ANKRD62: variants seen among roughly 807,000 people sequenced by gnomAD.
ANKRD62 encodes the protein ankyrin repeat domain-containing protein 62.
ANKRD62 carries 61 observed loss-of-function variants against 98.8 expected under a neutral mutation model. That is an observed-to-expected ratio of 0.62 (90% CI 0.50 to 0.76). The LOEUF is 0.76. ANKRD62 is among the 30% of genes least tolerant of loss of function. The pLI, the probability that ANKRD62 is intolerant of heterozygous loss-of-function variation, is 0.00. For missense variants in ANKRD62, 933 were observed against 1,082.9 expected, an observed-to-expected ratio of 0.86 and a Z score of 1.94; for synonymous variants, 341 against 367.9, an observed-to-expected ratio of 0.93 and a Z score of 0.84.
intron 10 of ANKRD62, among the ~76,000 whole-genome samples, chr18:12,117,140 AAT>A (rs897544126): frequency 6.6e-6 from 1 of 152,208 alleles, no homozygotes; most frequent in Non-Finnish European, 1.5e-5. Context: ...TGGTACTAAT[AAT>A]ACTCACTTAT....
intron 7 of ANKRD62, among the ~76,000 whole-genome samples, chr18:12,106,675 A>G (rs1909419220): frequency 6.6e-6 from 1 of 152,202 alleles, no homozygotes; most frequent in South Asian, 2.1e-4. Flanking sequence ...TTGGGGAAGC[A>G]TCTCATTTTC....
At chr18:12,111,955 C>A (rs755839433) in intron 8 of ANKRD62, among the ~76,000 whole-genome samples, 8 of 151,648 alleles carry the variant, frequency 5.3e-5, no homozygotes, top group Non-Finnish European at 1.2e-4. Context: ...ACTAAAAATA[C>A]AAAAATTAGC....
Position 12,125,935 on chromosome 18 carries a change from A to G in ANKRD62, c.2114A>G (p.Gln705Arg). The G allele has an allele frequency of 6.5e-7, 1 of 1,538,608 alleles. No individual in the cohort carries two copies. Among genetic ancestry groups the G allele is most frequent in the Non-Finnish European group, 8.7e-7 (1 of 1,146,936 alleles). Reference protein sequence around the residue: ...TNSHIQILSQQLSKAESTSSG... With the variant: ...TNSHIQILSQRLSKAESTSSG... ...TCTCACATTCAGATTCTTTCTCAGC[A>G]ACTTTCTAAAGCTGAGAGTACATCC... The change falls in exon 13 of 14, where the codon CAA becomes CGA. Residue 705 changes from glutamine (Q) to arginine (R), a missense_variant. Transcript: ENST00000587848.
At chr18:12,102,953 T>C (rs1402555238) in intron 6 of ANKRD62, among the ~76,000 whole-genome samples, 1 of 152,208 alleles carries the variant, frequency 6.6e-6, no homozygotes, top group Admixed American at 6.5e-5. Flanking sequence ...TGGTGACATC[T>C]GGTGTCTTGC....
chr18:12,125,587 A>G lies in ANKRD62; in HGVS notation c.1766A>G (p.Tyr589Cys). The G allele has an allele frequency of 3.3e-6, 5 of 1,528,066 alleles. No homozygotes were observed. Among genetic ancestry groups the G allele is most frequent in the Non-Finnish European group, 4.4e-6 (5 of 1,144,474 alleles). The allele number at this position is 1,528,066 out of a possible 1,614,324, so 94.7% of individuals were successfully genotyped here. A position where few individuals can be genotyped will look rare whatever the true frequency, so the allele number is the denominator to read the frequency against. ...KHQNQETENK[Y>C]FKDIEIIKEN... ...CAGAACCAGGAAACTGAAAATAAAT[A>G]TTTCAAAGATATTGAAATTATAAAG... Residue 589 changes from tyrosine to cysteine, a missense_variant, in exon 13 of 14, where the codon TAT (tyrosine) becomes TGT (cysteine). Physicochemically the swap from Tyr to Cys is radical, Grantham distance 194. Coordinates refer to ENST00000587848, the MANE Select transcript of ANKRD62 (RefSeq NM_001277333.2).
Position 12,097,733 on chromosome 18 carries a change from TG to T in ANKRD62, c.710del (p.Gly237AspfsTer19). ...TTGATGTCTTTTGCCAAGATATATC[TG>T]GATGGACTGCAGAAGACTACGCTGT... ...NIDVFCQDIS[G>X]WTAEDYAVAS... On this transcript the variant is annotated frameshift_variant, in exon 5 of 14. Transcript: ENST00000587848. LOFTEE classifies it high-confidence loss of function. The T allele has an allele frequency of 6.5e-7, 1 of 1,536,116 alleles. No individual in the cohort carries two copies. The highest frequency in any genetic ancestry group is 8.7e-7 in the Non-Finnish European group (1 of 1,146,808).
downstream of ANKRD62, among the ~76,000 whole-genome samples, chr18:12,129,980 TGAG>T (rs1447130634): frequency 6.6e-6 from 1 of 152,198 alleles, no homozygotes; most frequent in Non-Finnish European, 1.5e-5. Flanking sequence ...TAAGACGTGC[TGAG>T]GAGTTGCCAG....
At position 12,095,555 on chromosome 18, in the gene ANKRD62, T is replaced by C. The variant is rs1909164316; in HGVS notation, c.452T>C (p.Ile151Thr). 6.5e-7 allele frequency: 1 copy of C among 1,546,014 alleles called. No homozygotes were observed. The highest frequency in any genetic ancestry group is 1.2e-5 in the South Asian group (1 of 84,810). ...ALHYAIDNEN[I>T]SMARKLLAYG... ...CACTATGCCATTGATAATGAGAATATATCAATGGCAAGAAAACTGCTTGCA... is the reference window on the plus strand; with the variant it reads ...CACTATGCCATTGATAATGAGAATACATCAATGGCAAGAAAACTGCTTGCA... Residue 151 changes from isoleucine to threonine, a missense_variant, in exon 3 of 14, where the codon ATA becomes ACA. Coordinates refer to ENST00000587848, the MANE Select transcript of ANKRD62 (RefSeq NM_001277333.2).
the ANKRD62 span, among the ~76,000 whole-genome samples, chr18:12,161,727 CA>C: frequency 6.6e-6 from 1 of 152,054 alleles, no homozygotes; most frequent in Non-Finnish European, 1.5e-5. Context: ...TCTATCTCCA[CA>C]AGTGTAATCG....
Position 12,097,672 on chromosome 18 carries a change from C to A in ANKRD62, c.647C>A (p.Ser216Ter). ...CTGATACTTGCTGCTCGTAATGGAT[C>A]AACAAGTGTAGTCTACCAGCTTCTT... ...TALILAARNG[S>*]TSVVYQLLQH... Residue 216 changes from serine (S) to a stop codon, truncating the protein, a stop_gained, in exon 5 of 14, where the codon TCA becomes TAA. Transcript: ENST00000587848. LOFTEE classifies it high-confidence loss of function. 6.5e-7 allele frequency: 1 copy of A among 1,535,870 alleles called. No homozygotes were observed. The highest frequency in any genetic ancestry group is 8.7e-7 in the Non-Finnish European group (1 of 1,146,692).
chr18:12,163,081 A>T, the ANKRD62 span, among the ~76,000 whole-genome samples: 1 of 152,116 alleles, frequency 6.6e-6, no homozygotes, highest in Non-Finnish European at 1.5e-5. Context: ...GAGGGATTGC[A>T]TTGAATCTGT....
In ANKRD62 at chr18:12,127,951, A is replaced by C. The variant is rs1207814990; in HGVS notation, c.*12A>C. On this transcript the variant is annotated 3_prime_UTR_variant, in exon 14 of 14. Transcript: ENST00000587848. ...CAGTTACTCTGTAGCTGGTTAAATAATATCAAGTGTTTCAGGACACTAGTT... is the reference window on the plus strand; with the variant it reads ...CAGTTACTCTGTAGCTGGTTAAATACTATCAAGTGTTTCAGGACACTAGTT... 7.2e-7 allele frequency: 1 copy of C among 1,393,600 alleles called. No homozygotes were observed. The highest frequency in any genetic ancestry group is 1.5e-5 in the African/African-American group (1 of 68,180). 86.3% of individuals were successfully genotyped at this position (1,393,600 alleles called of 1,614,324 possible). A position where few individuals can be genotyped will look rare whatever the true frequency, so the allele number is the denominator to read the frequency against.
chr18:12,109,478 A>G (rs1449551864), intron 8 of ANKRD62, among the ~76,000 whole-genome samples: 5 of 152,212 alleles, frequency 3.3e-5, no homozygotes, highest in African/African-American at 1.2e-4. Context: ...TCGGAATACA[A>G]TACTGTATGA....
chr18:12,096,316 T>G lies in ANKRD62; in HGVS notation c.614+14T>G. ...TAATTTTGGAAGGTACAGTAGTTCT[T>G]TTTTTGTTCATTTTTAAACCTGAGT... On this transcript the variant is annotated intron_variant, in intron 4 of 13. Coordinates refer to ENST00000587848, the MANE Select transcript of ANKRD62 (RefSeq NM_001277333.2). The G allele has an allele frequency of 6.9e-7, 1 of 1,457,818 alleles. No homozygotes were observed. Among genetic ancestry groups the G allele is most frequent in the Non-Finnish European group, 9.2e-7 (1 of 1,085,640 alleles). 90.3% of individuals were successfully genotyped at this position (1,457,818 alleles called of 1,614,324 possible).
intron 8 of ANKRD62, among the ~76,000 whole-genome samples, chr18:12,112,440 A>G (rs893376838): frequency 5.9e-5 from 9 of 152,200 alleles, no homozygotes; most frequent in Non-Finnish European, 7.4e-5. Flanking sequence ...CTGATCTTCA[A>G]CAAACCTGAC....
At chr18:12,112,810 C>A (rs115845634) in intron 8 of ANKRD62, among the ~76,000 whole-genome samples, 5,534 of 152,330 alleles carry the variant, frequency 0.036, 340 homozygotes, top group African/African-American at 0.13. Context: ...GCAAACTATG[C>A]ATCTGGCAAA....
At chr18:12,119,625 A>G (rs1021648575) in intron 10 of ANKRD62, among the ~76,000 whole-genome samples, 1 of 151,942 alleles carries the variant, frequency 6.6e-6, no homozygotes, top group East Asian at 1.9e-4. Flanking sequence ...TGATAAGACT[A>G]CCTCTAAAAA....
At chr18:12,169,914 C>T in the ANKRD62 span, among the ~76,000 whole-genome samples, 1 of 152,188 alleles carries the variant, frequency 6.6e-6, no homozygotes, top group South Asian at 2.1e-4. Context: ...AGTTTATTTG[C>T]ATAGAGGTGT....
chr18:12,134,758 T>C (rs1213818968), downstream of ANKRD62, among the ~76,000 whole-genome samples: 1 of 152,240 alleles, frequency 6.6e-6, no homozygotes, highest in Non-Finnish European at 1.5e-5. Context: ...CCACATTTTC[T>C]TAAACCAGTC....
Sources: allele counts gnomAD v4.1 joint callset (sites outside exome capture counted in the v4.1 genomes callset), GRCh38; gene constraint gnomAD v4.1.1; transcripts MANE v1.5; gene names NCBI Gene and HGNC (gene_info 2026-07-23, HGNC 2026-07-21).